The following EPHX2 variants were observed in gnomAD, a reference collection of about 807,000 sequenced individuals.
EPHX2 encodes epoxide hydrolase 2, also known as bifunctional epoxide hydrolase 2.
A neutral mutation model predicts 78.7 loss-of-function variants in EPHX2; 74 were observed. The observed-to-expected ratio is 0.94, with a 90% CI of 0.78 to 1.14. EPHX2 has a LOEUF of 1.14. Ranked by LOEUF, EPHX2 falls within the 50% of genes most tolerant of loss-of-function variation. The probability of loss-of-function intolerance (pLI) is 0.00; values close to 1 mark genes in which losing one functional copy is unlikely to be tolerated. For synonymous variants in EPHX2, 251 were observed against 255.2 expected (o/e 0.98, Z 0.16); for missense variants, 715 against 702.5 (o/e 1.02, Z -0.20).
chr8:27,496,231 G>A (rs890568685), intron 1 of EPHX2, among the ~76,000 whole-genome samples: 4 of 152,228 alleles, frequency 2.6e-5, no homozygotes, highest in African/African-American at 7.2e-5. Flanking sequence ...GAGAGCTAGA[G>A]TAGCCTGCTG....
In EPHX2 at chr8:27,496,983, G is replaced by C. The variant is rs188114579; in HGVS notation, c.102-3943G>C. ...TTCAGGCACAACAAGAAAGGTGTGT[G>C]AAAAGAGCAAAGTCTCCCAATTACA... On this transcript the variant is annotated intron_variant, in intron 1 of 18. Transcript: ENST00000521400. Among the ~76,000 whole-genome samples, 221 of 152,330 alleles carry C rather than the reference G, an allele frequency of 1.5e-3. 2 individuals carry two copies. Among genetic ancestry groups the C allele is most frequent in the South Asian group, 0.013 (62 of 4,824 alleles).
At chr8:27,499,298 C>T (rs978724834) in intron 1 of EPHX2, among the ~76,000 whole-genome samples, 6 of 152,152 alleles carry the variant, frequency 3.9e-5, no homozygotes, top group Admixed American at 2.6e-4. Flanking sequence ...AGGAGACAAA[C>T]GTTCAAACCA....
At chr8:27,532,815 T>C (rs939337402) in intron 12 of EPHX2, among the ~76,000 whole-genome samples, 4 of 152,164 alleles carry the variant, frequency 2.6e-5, no homozygotes, top group African/African-American at 4.8e-5. Context: ...TAGATATTAA[T>C]TTAAAATTTT....
chr8:27,520,864 T>C lies in EPHX2; in HGVS notation c.946-19T>C, dbSNP rs1328548353. On this transcript the variant is annotated intron_variant, in intron 9 of 18. Coordinates refer to ENST00000521400, the MANE Select transcript of EPHX2 (RefSeq NM_001979.6). ...CGGGTGTGGTTGCTGATTTTGCCTG[T>C]GTGTGTCTTCTTCCTTAGGAGATGG... The C allele has an allele frequency of 6.2e-7, 1 of 1,614,200 alleles. No homozygotes were observed. The highest frequency in any genetic ancestry group is 1.3e-5 in the African/African-American group (1 of 75,048).
chr8:27,513,601 A>C (rs1814335568), intron 6 of EPHX2, among the ~76,000 whole-genome samples: 1 of 152,144 alleles, frequency 6.6e-6, no homozygotes, highest in Non-Finnish European at 1.5e-5. Flanking sequence ...ATTGATTGCC[A>C]CTGAATCCTA....
chr8:27,517,876 G>A (rs1446487762), intron 8 of EPHX2, among the ~76,000 whole-genome samples, 162 bp from the exon 9 acceptor site: 1 of 152,160 alleles, frequency 6.6e-6, no homozygotes, highest in African/African-American at 2.4e-5. Context: ...AAAAGCAAAA[G>A]CAAACACTCG....
In EPHX2 at chr8:27,503,649, GC is replaced by G; in HGVS notation, c.233del (p.Ala78ValfsTer11). ...AAACTGCAGGAAGTGCTCCGAGACC[GC>G]TAAAGTCTGCCTCCCCAAGAATTTC... ...EENCRKCSETAKVCLPKNFSI... is the reference protein window; with the variant it reads ...EENCRKCSETXKVCLPKNFSI... On this transcript the variant is annotated frameshift_variant, in exon 3 of 19. Coordinates refer to ENST00000521400, the MANE Select transcript of EPHX2 (RefSeq NM_001979.6). LOFTEE classifies it high-confidence loss of function. 2 of 1,613,560 alleles carry G rather than the reference GC, an allele frequency of 1.2e-6. No individual in the cohort carries two copies. Among genetic ancestry groups the G allele is most frequent in the Non-Finnish European group, 1.7e-6 (2 of 1,179,798 alleles).
At chr8:27,491,878 A>G (rs1255948600) in intron 1 of EPHX2, among the ~76,000 whole-genome samples, 1 of 152,196 alleles carries the variant, frequency 6.6e-6, no homozygotes, top group Non-Finnish European at 1.5e-5. Flanking sequence ...AGTGCCTGAA[A>G]GAAATAGGCC....
intron 1 of EPHX2, among the ~76,000 whole-genome samples, chr8:27,500,470 G>A (rs1035325644): frequency 6.6e-6 from 1 of 152,166 alleles, no homozygotes. Flanking sequence ...ACTTTTTAAA[G>A]GTTAGAAGAT....
intron 12 of EPHX2, among the ~76,000 whole-genome samples, chr8:27,534,709 G>A (rs1256160405): frequency 6.6e-6 from 1 of 152,176 alleles, no homozygotes; most frequent in Non-Finnish European, 1.5e-5. Flanking sequence ...CAGGTCGCTG[G>A]AACGAAAGCT....
intron 12 of EPHX2, among the ~76,000 whole-genome samples, chr8:27,528,495 G>A (rs1190155632): frequency 6.6e-6 from 1 of 152,146 alleles, no homozygotes; most frequent in Non-Finnish European, 1.5e-5. Context: ...CTGGCCCTCA[G>A]TTTCCTCATC....
intron 6 of EPHX2, among the ~76,000 whole-genome samples, chr8:27,514,142 AC>A (rs113136720): frequency 6.6e-6 from 1 of 151,860 alleles, no homozygotes; most frequent in African/African-American, 2.4e-5. Context: ...ACATAGTGAG[AC>A]CCCCCATCTC....
intron 2 of EPHX2, among the ~76,000 whole-genome samples, chr8:27,502,494 G>T (rs959308718): frequency 6.6e-6 from 1 of 152,194 alleles, no homozygotes; most frequent in Non-Finnish European, 1.5e-5. Flanking sequence ...CAGCAAATAT[G>T]CCATAGACTG....
At chr8:27,538,544 G>T in intron 13 of EPHX2, 115 bp from the exon 14 acceptor site, 4 of 956,984 alleles carry the variant, frequency 4.2e-6, no homozygotes, top group Non-Finnish European at 4.7e-6. Flanking sequence ...TCATAACAGG[G>T]TTTTCAGATG....
intron 4 of EPHX2, among the ~76,000 whole-genome samples, chr8:27,506,492 C>G (rs1387043668): frequency 6.6e-6 from 1 of 152,166 alleles, no homozygotes; most frequent in Non-Finnish European, 1.5e-5. Context: ...ATGTCTGTTT[C>G]TTTTCTAGTG....
intron 9 of EPHX2, among the ~76,000 whole-genome samples, chr8:27,519,803 C>T (rs1814582246): frequency 6.6e-6 from 1 of 152,174 alleles, no homozygotes; most frequent in African/African-American, 2.4e-5. Flanking sequence ...GGGCTCCTCT[C>T]CAGGATGGTG....
intron 1 of EPHX2, among the ~76,000 whole-genome samples, chr8:27,496,946 G>A (rs537132064): frequency 2.6e-5 from 4 of 152,274 alleles, no homozygotes; most frequent in Admixed American, 1.3e-4. Flanking sequence ...TCCCTAATAA[G>A]GGTGTGGAAC....
rs913233124 is a variant in EPHX2, at chr8:27,534,481, T to A, written c.1171-2303T>A. ...GCCCGACCAACATGATGAAACCCCG[T>A]CTCTACTAAAAATACCAAAAATTAG... On this transcript the variant is annotated intron_variant, in intron 12 of 18. Transcript: ENST00000521400. Among the ~76,000 whole-genome samples the A allele has an allele frequency of 1.8e-4, 28 of 151,820 alleles. 1 individual carries two copies. The highest frequency in any genetic ancestry group is 2.9e-5 in the Non-Finnish European group (2 of 67,952).
chr8:27,512,097 C>CAATA, intron 6 of EPHX2, 187 bp downstream of exon 6: 1 of 144,022 alleles, frequency 6.9e-6, no homozygotes, highest in Non-Finnish European at 1.2e-5. Flanking sequence ...AACCCTGTCT[C>CAATA]AAGAAAAAAA....
Sources: allele counts gnomAD v4.1 joint callset (sites outside exome capture counted in the v4.1 genomes callset), GRCh38; gene constraint gnomAD v4.1.1; transcripts MANE v1.5; gene names NCBI Gene and HGNC (gene_info 2026-07-23, HGNC 2026-07-21).